The following CLVS1 variants were observed in gnomAD, a reference collection of about 807,000 sequenced individuals.
CLVS1 encodes the protein clavesin 1, also known as clavesin-1.
CLVS1 carries 10 observed loss-of-function variants against 33.1 expected under a neutral mutation model. The observed-to-expected ratio is 0.30, with a 90% CI of 0.19 to 0.51. CLVS1 has a LOEUF of 0.51. CLVS1 is among the 20% of genes least tolerant of loss of function. CLVS1 has a pLI of 0.97. For missense variants in CLVS1, 343 were observed against 433.4 expected (o/e 0.79, Z 1.85); for synonymous variants, 163 against 166.1 (o/e 0.98, Z 0.14).
In CLVS1 at chr8:61,381,418, G is replaced by A. The variant is rs904937609; in HGVS notation, c.630+4639G>A. ...TTATTTAATTATTTTTTTGTGTTAC[G>A]AGAATTACGTTTTTTTCCTTTCAAC... On this transcript the variant is annotated intron_variant, in intron 3 of 5. Coordinates refer to ENST00000325897, the MANE Select transcript of CLVS1 (RefSeq NM_173519.3). Among the ~76,000 whole-genome samples the A allele has an allele frequency of 7.2e-5, 11 of 152,130 alleles. 1 individual carries two copies. Among genetic ancestry groups the A allele is most frequent in the African/African-American group, 1.4e-4 (6 of 41,496 alleles).
intron 2 of CLVS1, among the ~76,000 whole-genome samples, chr8:61,245,645 A>G (rs1346887074): frequency 6.6e-6 from 1 of 151,490 alleles, no homozygotes; most frequent in Non-Finnish European, 1.5e-5. Flanking sequence ...CTTACTATTT[A>G]CCCTCTATCC....
chr8:61,227,821 C>T (rs967930991), intron 2 of CLVS1, among the ~76,000 whole-genome samples: 4 of 152,156 alleles, frequency 2.6e-5, no homozygotes, highest in Admixed American at 6.5e-5. Context: ...AGGGGTTTTC[C>T]TGGGCACAGG....
chr8:61,020,336 A>G, the CLVS1 span, among the ~76,000 whole-genome samples: 1 of 152,200 alleles, frequency 6.6e-6, no homozygotes, highest in South Asian at 2.1e-4. Flanking sequence ...TATTGGAGAG[A>G]GAGACAATTC....
In CLVS1 at chr8:61,294,101, T is replaced by C. The variant is rs913880988; in HGVS notation, c.-151-5576T>C. Among the ~76,000 whole-genome samples the C allele has an allele frequency of 2.6e-5, 4 of 152,248 alleles. No individual in the cohort carries two copies. The South Asian group carries it at 8.3e-4, about 32-fold the overall frequency. ...AATTTGGGCAGTTTTACAACACCCC[T>C]TAAATGATGTCCTTTAGGACTGACA... On this transcript the variant is annotated intron_variant, in intron 1 of 5. Coordinates refer to ENST00000325897, the MANE Select transcript of CLVS1 (RefSeq NM_173519.3).
chr8:61,007,786 C>T, the CLVS1 span, among the ~76,000 whole-genome samples: 2 of 152,146 alleles, frequency 1.3e-5, no homozygotes, highest in African/African-American at 2.4e-5. Context: ...GTGGACAGGA[C>T]GTCGTTAAGC....
chr8:61,453,126 C>G (rs933384568), intron 3 of CLVS1, among the ~76,000 whole-genome samples: 24 of 151,416 alleles, frequency 1.6e-4, no homozygotes, highest in Non-Finnish European at 1.5e-4. Flanking sequence ...AGGGTACATA[C>G]AAAGATGTTT....
At chr8:61,348,559 T>A (rs1193862064) in intron 2 of CLVS1, among the ~76,000 whole-genome samples, 1 of 152,174 alleles carries the variant, frequency 6.6e-6, no homozygotes, top group Non-Finnish European at 1.5e-5. Flanking sequence ...GATTTCCTAC[T>A]TTTTATGGCT....
At chr8:61,050,809 G>A in the CLVS1 span, among the ~76,000 whole-genome samples, 139 of 152,370 alleles carry the variant, frequency 9.1e-4, no homozygotes, top group Non-Finnish European at 1.4e-3. Flanking sequence ...AGCGGTGGCA[G>A]GGAGAGAATT....
intron 5 of CLVS1, among the ~76,000 whole-genome samples, chr8:61,460,525 G>A (rs112544284): frequency 1.4e-3 from 216 of 152,290 alleles, no homozygotes; most frequent in Middle Eastern, 3.4e-3. Context: ...AGGACTGAAA[G>A]GTAGTTGCCT....
At chr8:61,053,491 T>C (rs1467655532), upstream of CLVS1, among the ~76,000 whole-genome samples, 1 of 152,218 alleles carries the variant, frequency 6.6e-6, no homozygotes, top group Non-Finnish European at 1.5e-5. Context: ...AAAACGACAG[T>C]TGGGCATAGC....
chr8:61,294,477 G>T lies in CLVS1; in HGVS notation c.-151-5200G>T, dbSNP rs180726761. ...TACCCCGAATATTTACCTGGATACA[G>T]CATAATTATAATATCAACAAGAATT... is the stretch of plus-strand genomic sequence containing the variant. On this transcript the variant is annotated intron_variant, in intron 1 of 5. Coordinates refer to ENST00000325897, the MANE Select transcript of CLVS1 (RefSeq NM_173519.3). 7.9e-5 allele frequency among the ~76,000 whole-genome samples: 12 copies of T among 152,190 alleles called. No individual in the cohort carries two copies. The East Asian group carries it at 2.3e-3, about 29-fold the overall frequency.
chr8:61,198,058 G>T (rs1056335264), intron 2 of CLVS1, among the ~76,000 whole-genome samples: 3 of 152,116 alleles, frequency 2.0e-5, no homozygotes, highest in African/African-American at 7.2e-5. Context: ...CTGATTTTTG[G>T]TTCTTGTGAT....
intron 2 of CLVS1, among the ~76,000 whole-genome samples, chr8:61,348,516 C>G (rs1340396735): frequency 1.3e-5 from 2 of 151,992 alleles, no homozygotes; most frequent in African/African-American, 4.8e-5. Flanking sequence ...TCATAACGTC[C>G]TTCAGGTTCA....
At chr8:61,300,703 T>C (rs1810396597) in intron 2 of CLVS1, 1 of 158,720 alleles carries the variant, frequency 6.3e-6, no homozygotes, top group Admixed American at 6.2e-5. Context: ...CCTCTATTTC[T>C]CCTGAGTGCC....
At chr8:61,152,746 T>C (rs1209886220) in intron 2 of CLVS1, among the ~76,000 whole-genome samples, 2 of 152,172 alleles carry the variant, frequency 1.3e-5, no homozygotes, top group Admixed American at 1.3e-4. Flanking sequence ...TTGGAGGGGA[T>C]ATAAACATTC....
chr8:61,245,033 C>A (rs983152649), intron 2 of CLVS1, among the ~76,000 whole-genome samples: 2 of 152,096 alleles, frequency 1.3e-5, no homozygotes, highest in South Asian at 2.1e-4. Flanking sequence ...GTATATCCAG[C>A]CTTTTCTCAT....
chr8:61,294,886 G>A (rs1436542647), intron 1 of CLVS1, among the ~76,000 whole-genome samples: 1 of 152,174 alleles, frequency 6.6e-6, no homozygotes, highest in Non-Finnish European at 1.5e-5. Flanking sequence ...TACAGTGTAT[G>A]TTTGTAGATG....
chr8:61,116,497 G>T (rs1329597220), intron 1 of CLVS1, among the ~76,000 whole-genome samples: 2 of 152,142 alleles, frequency 1.3e-5, no homozygotes, highest in Non-Finnish European at 2.9e-5. Context: ...GGTTTTTATG[G>T]TTTTAGGTCT....
At chr8:61,038,786 T>C in the CLVS1 span, among the ~76,000 whole-genome samples, 1 of 152,142 alleles carries the variant, frequency 6.6e-6, no homozygotes, top group Admixed American at 6.5e-5. Flanking sequence ...GAGAAATGAG[T>C]GCTCAGCGCA....
Sources: allele counts gnomAD v4.1 joint callset (sites outside exome capture counted in the v4.1 genomes callset), GRCh38; gene constraint gnomAD v4.1.1; transcripts MANE v1.5; gene names NCBI Gene and HGNC (gene_info 2026-07-23, HGNC 2026-07-21).